SPCS2: variants seen among roughly 807,000 people sequenced by gnomAD.
SPCS2 encodes signal peptidase complex subunit 2.
A neutral mutation model predicts 22.3 loss-of-function variants in SPCS2; 3 were observed. That is an observed-to-expected ratio of 0.13 (90% confidence interval 0.06 to 0.35). SPCS2 has a LOEUF of 0.35. SPCS2 is among the 10% of genes least tolerant of loss of function. The probability of loss-of-function intolerance (pLI) is 1.00; values close to 1 mark genes in which losing one functional copy is unlikely to be tolerated. For synonymous variants in SPCS2, 67 were observed against 97.2 expected, an observed-to-expected ratio of 0.69 and a Z score of 1.83; for missense variants, 169 against 280.9, an observed-to-expected ratio of 0.60 and a Z score of 2.85.
At chr11:74,953,186 G>T (rs961576978) in intron 1 of SPCS2, among the ~76,000 whole-genome samples, 4 of 151,746 alleles carry the variant, frequency 2.6e-5, no homozygotes, top group Non-Finnish European at 4.4e-5. Flanking sequence ...CTTTTGCTGT[G>T]TGGGAATGAG....
rs1948624781 is a variant in SPCS2, at chr11:74,977,908, A to G, written c.*865A>G. ...AATAACAATAATAACAACATTCTGT[A>G]CTTACTTTGTGCCAGAAATGCTCCA... On this transcript the variant is annotated 3_prime_UTR_variant, in exon 5 of 5. Coordinates refer to ENST00000263672, the MANE Select transcript of SPCS2 (RefSeq NM_014752.3). 1 of 152,222 alleles carries G rather than the reference A, an allele frequency of 6.6e-6. No homozygotes were observed. Among genetic ancestry groups the G allele is most frequent in the Non-Finnish European group, 1.5e-5 (1 of 68,044 alleles). The allele number at this position is 152,222 out of a possible 1,614,324, so 9.4% of individuals were successfully genotyped here. A position where few individuals can be genotyped will look rare whatever the true frequency, so the allele number is the denominator to read the frequency against.
intron 1 of SPCS2, among the ~76,000 whole-genome samples, chr11:74,951,664 G>A (rs1014530662): frequency 6.6e-6 from 1 of 151,952 alleles, no homozygotes. Flanking sequence ...TACAAAATTA[G>A]CGAAGTGTGG....
In SPCS2 at chr11:74,949,285, G is replaced by A. The variant is rs1452233436; in HGVS notation, c.-1G>A. 6.5e-7 allele frequency: 1 copy of A among 1,538,030 alleles called. No individual in the cohort carries two copies. Among genetic ancestry groups the A allele is most frequent in the African/African-American group, 1.4e-5 (1 of 72,254 alleles). ...GGGAGGGAGACGCAGAGGCGGACAAGATGGCGGCGGCAGCTGTACAGGGCG... is the reference window on the plus strand; with the variant it reads ...GGGAGGGAGACGCAGAGGCGGACAAAATGGCGGCGGCAGCTGTACAGGGCG... On this transcript the variant is annotated 5_prime_UTR_variant, in exon 1 of 5. Coordinates refer to ENST00000263672, the MANE Select transcript of SPCS2 (RefSeq NM_014752.3).
intron 1 of SPCS2, among the ~76,000 whole-genome samples, chr11:74,958,684 A>G (rs1232473041): frequency 6.6e-6 from 1 of 152,100 alleles, no homozygotes; most frequent in Non-Finnish European, 1.5e-5. Flanking sequence ...TGGCTCCAAC[A>G]AGTCATCCAA....
rs537745834 is a variant in SPCS2, at chr11:74,960,438, T to TG, written c.115-4588dup. ...AGCCAAATTGCAGTTGGTTTTACATTGGGGGGGGAGGTTCAACATTTTTGA... is the reference window on the plus strand; with the variant it reads ...AGCCAAATTGCAGTTGGTTTTACATTGGGGGGGGGAGGTTCAACATTTTTGA... On this transcript the variant is annotated intron_variant, in intron 1 of 4. Coordinates refer to ENST00000263672, the MANE Select transcript of SPCS2 (RefSeq NM_014752.3). Among the ~76,000 whole-genome samples, 641 of 151,456 alleles carry TG rather than the reference T, an allele frequency of 4.2e-3. 6 individuals are homozygous for TG. The highest frequency in any genetic ancestry group is 0.015 in the African/African-American group (609 of 41,390).
intron 1 of SPCS2, among the ~76,000 whole-genome samples, chr11:74,964,700 T>C (rs148351400): frequency 6.6e-6 from 1 of 152,366 alleles, no homozygotes; most frequent in Non-Finnish European, 1.5e-5. Context: ...GTGCAGCCCA[T>C]ATACGTTTTC....
At chr11:74,959,817 G>A (rs1214695554) in intron 1 of SPCS2, among the ~76,000 whole-genome samples, 1 of 152,154 alleles carries the variant, frequency 6.6e-6, no homozygotes, top group Non-Finnish European at 1.5e-5. Context: ...TTCCTGTACT[G>A]ACTACATATC....
intron 4 of SPCS2, among the ~76,000 whole-genome samples, chr11:74,976,103 G>A (rs534652283): frequency 6.6e-6 from 1 of 152,254 alleles, no homozygotes; most frequent in East Asian, 1.9e-4. Context: ...CAAGGACTAG[G>A]CACCCCGGGA....
intron 4 of SPCS2, among the ~76,000 whole-genome samples, chr11:74,973,123 G>A (rs570055930): frequency 6.6e-6 from 1 of 152,096 alleles, no homozygotes; most frequent in African/African-American, 2.4e-5. Flanking sequence ...ACTGCAAGTG[G>A]TGGCTGATGT....
intron 4 of SPCS2, 33 bp downstream of exon 4, chr11:74,969,732 G>T: frequency 6.2e-7 from 1 of 1,612,988 alleles, no homozygotes; most frequent in South Asian, 1.1e-5. Flanking sequence ...TTAAATCCTG[G>T]TGTTGGATTT....
chr11:74,977,906 G>GTACT lies in SPCS2; in HGVS notation c.*869_*872dup, dbSNP rs747846211. The GTACT allele has an allele frequency of 3.9e-5, 6 of 152,094 alleles. No individual in the cohort carries two copies. The highest frequency in any genetic ancestry group is 8.8e-5 in the Non-Finnish European group (6 of 68,024). 9.4% of individuals were successfully genotyped at this position (152,094 alleles called of 1,614,324 possible). The stretch of plus-strand genomic sequence containing the variant: ...ATAATAACAATAATAACAACATTCT[G>GTACT]TACTTACTTTGTGCCAGAAATGCTC... On this transcript the variant is annotated 3_prime_UTR_variant, in exon 5 of 5. Coordinates refer to ENST00000263672, the MANE Select transcript of SPCS2 (RefSeq NM_014752.3).
intron 1 of SPCS2, among the ~76,000 whole-genome samples, chr11:74,956,490 T>G (rs1948479481): frequency 1.3e-5 from 2 of 152,208 alleles, no homozygotes; most frequent in South Asian, 2.1e-4. Context: ...AGAGTTACCC[T>G]TGATTCTTCT....
At chr11:74,966,872 C>T (rs948059605) in intron 3 of SPCS2, among the ~76,000 whole-genome samples, 2 of 152,062 alleles carry the variant, frequency 1.3e-5, no homozygotes, top group Non-Finnish European at 2.9e-5. Flanking sequence ...GAGCAATTCT[C>T]CCACCTCAAC....
At chr11:74,974,630 T>C (rs1412357251) in intron 4 of SPCS2, among the ~76,000 whole-genome samples, 1 of 152,220 alleles carries the variant, frequency 6.6e-6, no homozygotes, top group African/African-American at 2.4e-5. Context: ...GTTTTGTTTT[T>C]TTGAGACAGA....
chr11:74,961,982 A>G (rs1257995037), intron 1 of SPCS2, among the ~76,000 whole-genome samples: 1 of 152,222 alleles, frequency 6.6e-6, no homozygotes, highest in Non-Finnish European at 1.5e-5. Context: ...TTTGTAATTT[A>G]GCCCTAAAGA....
intron 4 of SPCS2, among the ~76,000 whole-genome samples, chr11:74,975,295 C>T (rs1948608735): frequency 6.6e-6 from 1 of 152,064 alleles, no homozygotes; most frequent in Admixed American, 6.6e-5. Context: ...CCTTTCTTGT[C>T]TCTGCTCAGA....
intron 1 of SPCS2, among the ~76,000 whole-genome samples, chr11:74,954,945 A>G (rs955480724): frequency 2.6e-5 from 4 of 152,222 alleles, no homozygotes; most frequent in South Asian, 4.1e-4. Flanking sequence ...AAGACGTACG[A>G]ATGGCCCATA....
At chr11:74,971,624 G>A (rs192918010) in intron 4 of SPCS2, among the ~76,000 whole-genome samples, 1 of 152,236 alleles carries the variant, frequency 6.6e-6, no homozygotes, top group East Asian at 1.9e-4. Context: ...CTTAACAGTG[G>A]CTGATTCTGA....
intron 1 of SPCS2, 105 bp from the exon 2 acceptor site, chr11:74,964,929 A>G: frequency 2.8e-6 from 2 of 704,454 alleles, no homozygotes; most frequent in South Asian, 4.0e-5. Context: ...GAAGACAAAG[A>G]GTAAATATTA....
Sources: allele counts gnomAD v4.1 joint callset (sites outside exome capture counted in the v4.1 genomes callset), GRCh38; gene constraint gnomAD v4.1.1; transcripts MANE v1.5; gene names NCBI Gene and HGNC (gene_info 2026-07-23, HGNC 2026-07-21).